The following GLP2R variants were observed in gnomAD, a reference collection of about 807,000 sequenced individuals.
GLP2R encodes glucagon like peptide 2 receptor, also known as glucagon-like peptide 2 receptor.
GLP2R carries 59 observed loss-of-function variants against 68.2 expected under a neutral mutation model. The observed-to-expected ratio is 0.87, with a 90% CI of 0.70 to 1.07. The LOEUF (loss-of-function observed/expected upper bound fraction) is 1.07, where lower values mean the gene tolerates loss of function less well. GLP2R is among the 50% of genes least tolerant of loss of function. The pLI is 0.00. For missense variants in GLP2R, 548 were observed against 677.4 expected (o/e 0.81, Z 2.12); for synonymous variants, 270 against 265.4 (o/e 1.02, Z -0.17).
At chr17:9,884,540 G>T (rs1417466579) in intron 11 of GLP2R, among the ~76,000 whole-genome samples, 1 of 152,172 alleles carries the variant, frequency 6.6e-6, no homozygotes, top group African/African-American at 2.4e-5. Flanking sequence ...GTCAAGTGCT[G>T]TCTGATATAT....
intron 11 of GLP2R, among the ~76,000 whole-genome samples, chr17:9,886,868 G>A (rs1597407830): frequency 1.3e-5 from 2 of 152,178 alleles, no homozygotes; most frequent in Admixed American, 1.3e-4. Context: ...AGTTGGAAAT[G>A]CATCCTTTCC....
intron 1 of GLP2R, among the ~76,000 whole-genome samples, chr17:9,831,079 C>G (rs939083686): frequency 2.6e-5 from 4 of 152,224 alleles, no homozygotes; most frequent in Admixed American, 2.0e-4. Context: ...CACACTAGCT[C>G]TTCTTCAAAA....
At chr17:9,876,129 G>A (rs1308294597) in intron 10 of GLP2R, among the ~76,000 whole-genome samples, 3 of 152,100 alleles carry the variant, frequency 2.0e-5, no homozygotes, top group African/African-American at 7.2e-5. Context: ...CGCCCACCTC[G>A]GCCTCCCAAA....
chr17:9,832,077 C>A (rs1468887102), intron 1 of GLP2R, among the ~76,000 whole-genome samples: 1 of 152,174 alleles, frequency 6.6e-6, no homozygotes, highest in Admixed American at 6.5e-5. Context: ...CTCTTTAATT[C>A]CTCCTTAACA....
At chr17:9,844,624 G>A (rs772263990) in intron 4 of GLP2R, among the ~76,000 whole-genome samples, 2 of 146,440 alleles carry the variant, frequency 1.4e-5, no homozygotes, top group African/African-American at 2.5e-5. Context: ...AGGATACAGG[G>A]AGAGGCCTTG....
At chr17:9,836,079 T>C (rs1250915387) in intron 2 of GLP2R, among the ~76,000 whole-genome samples, 1 of 150,854 alleles carries the variant, frequency 6.6e-6, no homozygotes, top group Admixed American at 6.6e-5. Context: ...GAAAGTTTAG[T>C]TCATGTCAAA....
chr17:9,833,156 G>T (rs986464442), intron 1 of GLP2R, among the ~76,000 whole-genome samples: 3 of 151,462 alleles, frequency 2.0e-5, no homozygotes, highest in Non-Finnish European at 4.4e-5. Flanking sequence ...CCAGCTACTC[G>T]GGGAGGCTGA....
Position 9,889,632 on chromosome 17 carries a change from T to C in GLP2R, c.1589T>C (p.Leu530Pro). The C allele has an allele frequency of 6.2e-7, 1 of 1,612,712 alleles. No individual in the cohort carries two copies. The highest frequency in any genetic ancestry group is 8.5e-7 in the Non-Finnish European group (1 of 1,179,038). ...GCACGCTGGCCCCGGGGCAGCAGCC[T>C]GTCCGAGTGCAGTGAGGGGGATGTC... is the stretch of plus-strand genomic sequence containing the variant. Reference protein sequence around the residue: ...DHARWPRGSSLSECSEGDVTM... With the variant: ...DHARWPRGSSPSECSEGDVTM... Residue 530 changes from leucine to proline, a missense_variant, in exon 13 of 13, where the codon CTG becomes CCG. Transcript: ENST00000262441.
intron 4 of GLP2R, among the ~76,000 whole-genome samples, chr17:9,850,378 C>G (rs982050197): frequency 1.3e-5 from 2 of 152,218 alleles, no homozygotes; most frequent in African/African-American, 4.8e-5. Flanking sequence ...ATTCAGTACA[C>G]AGCTGCTTAA....
intron 4 of GLP2R, chr17:9,852,733 G>A: frequency 4.1e-6 from 1 of 244,502 alleles, no homozygotes; most frequent in South Asian, 5.6e-5. Flanking sequence ...TTTTTGCCTG[G>A]AGTGTTTCAT....
chr17:9,848,573 G>A (rs1455751692), intron 4 of GLP2R, among the ~76,000 whole-genome samples: 1 of 152,064 alleles, frequency 6.6e-6, no homozygotes, highest in Non-Finnish European at 1.5e-5. Flanking sequence ...TGAAAACTGC[G>A]CTTTCAAAAA....
intron 1 of GLP2R, among the ~76,000 whole-genome samples, chr17:9,828,807 T>C (rs1689733847): frequency 6.6e-6 from 1 of 152,192 alleles, no homozygotes; most frequent in African/African-American, 2.4e-5. Context: ...AAGCCACACC[T>C]TGACCCTTTC....
intron 12 of GLP2R, 53 bp downstream of exon 12, chr17:9,888,026 C>T (rs959406771): frequency 1.6e-6 from 2 of 1,219,538 alleles, no homozygotes; most frequent in Admixed American, 1.7e-5. Flanking sequence ...GACTGCAACC[C>T]TACCCACCTC....
At chr17:9,850,692 CT>C (rs11288196) in intron 4 of GLP2R, among the ~76,000 whole-genome samples, 19,364 of 125,774 alleles carry the variant, frequency 0.15, 1,498 homozygotes, top group East Asian at 0.47. Context: ...GATTTTTTCA[CT>C]TTTTTTTTTT....
At chr17:9,827,990 G>A (rs1158332793) in intron 1 of GLP2R, among the ~76,000 whole-genome samples, 1 of 149,916 alleles carries the variant, frequency 6.7e-6, no homozygotes, top group Non-Finnish European at 1.5e-5. Flanking sequence ...AGGAATGGCT[G>A]TCTTCCTCCT....
At chr17:9,888,266 C>A (rs1029577996) in intron 12 of GLP2R, among the ~76,000 whole-genome samples, 1 of 152,102 alleles carries the variant, frequency 6.6e-6, no homozygotes, top group Admixed American at 6.5e-5. Context: ...ACCTCAGAGT[C>A]CAAAAATCTG....
intron 6 of GLP2R, among the ~76,000 whole-genome samples, chr17:9,859,249 T>A (rs1323691627): frequency 2.0e-5 from 3 of 152,228 alleles, no homozygotes; most frequent in Non-Finnish European, 4.4e-5. Context: ...TTTTCTAATT[T>A]CCAATCATAT....
At chr17:9,858,085 T>A (rs1281578315) in intron 6 of GLP2R, among the ~76,000 whole-genome samples, 1 of 152,234 alleles carries the variant, frequency 6.6e-6, no homozygotes, top group East Asian at 1.9e-4. Flanking sequence ...ATTTAAAGTA[T>A]ATGAAAGGAT....
chr17:9,887,137 C>T (rs548878061), intron 11 of GLP2R, among the ~76,000 whole-genome samples: 7 of 152,056 alleles, frequency 4.6e-5, no homozygotes, highest in Non-Finnish European at 1.0e-4. Flanking sequence ...GATGGTCATC[C>T]TGGAACATGG....
Sources: allele counts gnomAD v4.1 joint callset (sites outside exome capture counted in the v4.1 genomes callset), GRCh38; gene constraint gnomAD v4.1.1; transcripts MANE v1.5; gene names NCBI Gene and HGNC (gene_info 2026-07-23, HGNC 2026-07-21).